TRPM1: variants seen among roughly 807,000 people sequenced by gnomAD.
TRPM1 encodes transient receptor potential cation channel subfamily M member 1, also known as TRPM1-203 APA Isoform, Intron 10.
TRPM1 carries 113 observed loss-of-function variants against 149.4 expected under a neutral mutation model. The observed-to-expected ratio is 0.76, with a 90% CI of 0.65 to 0.88. The LOEUF (loss-of-function observed/expected upper bound fraction) is 0.88, where lower values mean the gene tolerates loss of function less well. Among genes scored for constraint, TRPM1 ranks in the 40% least tolerant of loss-of-function variants. The pLI is 0.00. For synonymous variants in TRPM1, 741 were observed against 759.5 expected (o/e 0.98, Z 0.40); for missense variants, 1,976 against 2,038.7 (o/e 0.97, Z 0.59).
intron 1 of TRPM1, among the ~76,000 whole-genome samples, chr15:31,144,751 T>C (rs957411133): frequency 6.6e-6 from 1 of 150,646 alleles, no homozygotes; most frequent in Non-Finnish European, 1.5e-5. Flanking sequence ...GTTTCGCTCT[T>C]GTTGCCCAGG....
At chr15:31,061,306 TG>T in intron 10 of TRPM1, 135 bp downstream of exon 10, 1 of 830,410 alleles carries the variant, frequency 1.2e-6, no homozygotes. Flanking sequence ...CGTGGCTTCA[TG>T]CTGAGACTGC....
chr15:31,069,561 G>A, intron 4 of TRPM1: 1 of 1,202,256 alleles, frequency 8.3e-7, no homozygotes, highest in Non-Finnish European at 1.0e-6. Flanking sequence ...AGGGCAGAGG[G>A]CACTCCCTGT....
intron 1 of TRPM1, among the ~76,000 whole-genome samples, chr15:31,139,318 A>G (rs957962649): frequency 2.0e-5 from 3 of 152,146 alleles, no homozygotes; most frequent in Admixed American, 6.6e-5. Context: ...CTGCCTTTGG[A>G]TGTACAAATT....
chr15:31,145,815 G>A (rs2036217593), intron 1 of TRPM1, among the ~76,000 whole-genome samples: 2 of 151,986 alleles, frequency 1.3e-5, no homozygotes, highest in Admixed American at 1.3e-4. Flanking sequence ...TAGTTGGTTT[G>A]GTTATAGGGT....
rs759478380 is a variant in TRPM1, at chr15:31,026,936, C to T, written c.3475G>A (p.Glu1159Lys). The T allele has an allele frequency of 5.0e-6, 8 of 1,613,972 alleles. No homozygotes were observed. In the South Asian group the frequency reaches 6.6e-5, roughly 13 times the overall value. Reference sequence around the variant, plus strand: ...ATACTCAATCCACGATCCCGTTCCTCTTGGTCCCCTTCTCTCTTTTTCCTG... The same window carrying T: ...ATACTCAATCCACGATCCCGTTCCTTTTGGTCCCCTTCTCTCTTTTTCCTG... ...RCRKKREGDQ[E>K]ERDRGLKLFL... Residue 1159 changes from glutamate to lysine, a missense_variant, in exon 26 of 28, where the codon GAG becomes AAG. Transcript: ENST00000256552.
At chr15:31,155,237 G>T (rs1199415625) in intron 1 of TRPM1, among the ~76,000 whole-genome samples, 1 of 152,092 alleles carries the variant, frequency 6.6e-6, no homozygotes, top group African/African-American at 2.4e-5. Flanking sequence ...CTAGTGCTTC[G>T]GGCCCAGGGA....
intron 1 of TRPM1, among the ~76,000 whole-genome samples, chr15:31,113,864 G>T (rs553824171): frequency 5.3e-5 from 8 of 152,196 alleles, no homozygotes; most frequent in Non-Finnish European, 1.2e-4. Flanking sequence ...CCCACACGCT[G>T]GAAGGGTACC....
At chr15:31,116,699 T>C (rs558562457) in intron 1 of TRPM1, among the ~76,000 whole-genome samples, 1 of 152,038 alleles carries the variant, frequency 6.6e-6, no homozygotes, top group South Asian at 2.1e-4. Context: ...TTCCAGAGGG[T>C]CACAGCTGAA....
intron 7 of TRPM1, 119 bp downstream of exon 7, chr15:31,065,957 A>T: frequency 7.9e-7 from 1 of 1,258,844 alleles, no homozygotes; most frequent in Non-Finnish European, 1.1e-6. Flanking sequence ...TTTTCTGTTG[A>T]CCTAACAAGA....
intron 1 of TRPM1, among the ~76,000 whole-genome samples, chr15:31,138,346 A>T (rs985760516): frequency 6.6e-6 from 1 of 152,058 alleles, no homozygotes; most frequent in Non-Finnish European, 1.5e-5. Flanking sequence ...TCCTCCAGTT[A>T]TCCAGTCTGA....
Position 31,040,450 on chromosome 15 carries a change from C to A in TRPM1, c.2088-104G>T, listed in dbSNP as rs2033578097. On this transcript the variant is annotated intron_variant, in intron 17 of 27. Coordinates refer to ENST00000256552, the MANE Select transcript of TRPM1 (RefSeq NM_001252024.2). This position sits in a 1 kb window ranked among gnomAD's most constrained non-coding sequence, Gnocchi z 4.2. ...CTTATGGAGCCACGGGACACAGTATCCTTCACTGGAGGGGCTCTGAGGTTC... is the reference window on the plus strand; with the variant it reads ...CTTATGGAGCCACGGGACACAGTATACTTCACTGGAGGGGCTCTGAGGTTC... The A allele has an allele frequency of 3.2e-6, 3 of 939,322 alleles. No homozygotes were observed. In the East Asian group the frequency reaches 7.5e-5, roughly 24 times the overall value. 58.2% of individuals were successfully genotyped at this position (939,322 alleles called of 1,614,324 possible). A position where few individuals can be genotyped will look rare whatever the true frequency, so the allele number is the denominator to read the frequency against.
chr15:31,113,695 A>C (rs1335610648), intron 1 of TRPM1, among the ~76,000 whole-genome samples: 3 of 152,170 alleles, frequency 2.0e-5, no homozygotes. Context: ...TACTGTGCCC[A>C]TAGTTAGTTC....
intron 1 of TRPM1, among the ~76,000 whole-genome samples, chr15:31,091,858 C>T (rs776859170): frequency 2.6e-5 from 4 of 152,164 alleles, no homozygotes; most frequent in Non-Finnish European, 5.9e-5. Context: ...CAAAAAACAC[C>T]TTCTTCAAAA....
chr15:31,109,420 G>C (rs2035653954), intron 1 of TRPM1, among the ~76,000 whole-genome samples: 1 of 150,534 alleles, frequency 6.6e-6, no homozygotes, highest in South Asian at 2.1e-4. Flanking sequence ...GAAGAGGCCA[G>C]GTGCAGTGGC....
chr15:31,037,160 G>C (rs555795037), intron 20 of TRPM1, among the ~76,000 whole-genome samples: 56 of 152,364 alleles, frequency 3.7e-4, no homozygotes, highest in Non-Finnish European at 3.7e-4. Flanking sequence ...TGTTAGTAGA[G>C]AGCCACACTC....
At position 31,030,791 on chromosome 15, in the gene TRPM1, A is replaced by T. The variant is rs112851866; in HGVS notation, c.3127+192T>A. Among the ~76,000 whole-genome samples the T allele has an allele frequency of 4.1e-3, 624 of 152,342 alleles. 3 individuals carry two copies. The highest frequency in any genetic ancestry group is 0.014 in the African/African-American group (595 of 41,574). ...ATTCTAGTGAATTATTTTTAGAATA[A>T]AAGAAATGACTGATGTCTGAAAATC... On this transcript the variant is annotated intron_variant, in intron 23 of 27. Coordinates refer to ENST00000256552, the MANE Select transcript of TRPM1 (RefSeq NM_001252024.2).
intron 1 of TRPM1, among the ~76,000 whole-genome samples, chr15:31,119,812 A>G (rs1567066564): frequency 6.6e-6 from 1 of 152,198 alleles, no homozygotes; most frequent in Non-Finnish European, 1.5e-5. Context: ...GGTTTAGGTT[A>G]GTTTTAAATG....
intron 1 of TRPM1, among the ~76,000 whole-genome samples, chr15:31,110,608 G>T (rs1321647634): frequency 6.6e-6 from 1 of 152,202 alleles, no homozygotes; most frequent in African/African-American, 2.4e-5. Context: ...GCCCAGCCTC[G>T]TCAACAGGTG....
At chr15:31,072,010 TATATATATAGAGAGAGAGAG>T (rs1190451406) in intron 3 of TRPM1, among the ~76,000 whole-genome samples, 1 of 30,062 alleles carries the variant, frequency 3.3e-5, no homozygotes. Context: ...TATATATATA[TATATATATAGAGAGAGAGAG>T]AGAGAGAGAG....
Sources: gnomAD v4.1 joint callset for allele counts (sites outside exome capture counted in the v4.1 genomes callset) on GRCh38, gnomAD v4.1.1 for gene constraint, Gnocchi (gnomAD v3.1) non-coding constraint, MANE v1.5 for transcripts, NCBI Gene and HGNC (gene_info 2026-07-23, HGNC 2026-07-21) for gene names.